Variants in TOX observed in about 807,000 individuals in gnomAD.
The protein encoded by TOX is thymocyte selection associated high mobility group box.
In TOX, 11 loss-of-function variants were observed where a neutral mutation model predicts 53.7. The ratio of observed to expected loss-of-function variants is 0.20; its 90% confidence interval spans 0.13 to 0.34. The LOEUF (loss-of-function observed/expected upper bound fraction) is 0.34. Among genes scored for constraint, TOX ranks in the 10% least tolerant of loss-of-function variants. The pLI is 1.00. For synonymous variants in TOX, 225 were observed against 245.3 expected, an observed-to-expected ratio of 0.92 and a Z score of 0.77; for missense variants, 570 against 664.6, an observed-to-expected ratio of 0.86 and a Z score of 1.56.
intron 1 of TOX, among the ~76,000 whole-genome samples, chr8:59,019,027 T>A (rs1386399698): frequency 1.3e-5 from 2 of 152,186 alleles, no homozygotes; most frequent in African/African-American, 4.8e-5. Flanking sequence ...TATCCCATTT[T>A]AGTTTCTGAG....
intron 1 of TOX, among the ~76,000 whole-genome samples, chr8:59,100,722 C>T (rs905100978): frequency 6.6e-6 from 1 of 152,056 alleles, no homozygotes; most frequent in Non-Finnish European, 1.5e-5. Flanking sequence ...AAAATGAACA[C>T]GGATTATTTG....
At chr8:59,080,660 C>T (rs1804391031) in intron 1 of TOX, among the ~76,000 whole-genome samples, 1 of 152,142 alleles carries the variant, frequency 6.6e-6, no homozygotes, top group Admixed American at 6.5e-5. Flanking sequence ...CAGATTCCCT[C>T]ATGGCTTGGT....
chr8:58,894,927 C>T (rs1005342906), intron 3 of TOX, among the ~76,000 whole-genome samples: 4 of 145,274 alleles, frequency 2.8e-5, no homozygotes, highest in African/African-American at 5.2e-5. Flanking sequence ...CGGTGACTCA[C>T]GCCTGTAATC....
intron 1 of TOX, among the ~76,000 whole-genome samples, chr8:59,075,640 A>C (rs1804279516): frequency 1.3e-5 from 2 of 152,152 alleles, no homozygotes; most frequent in Non-Finnish European, 2.9e-5. Context: ...CAAAATAAAA[A>C]GGTATTTTTC....
At chr8:58,966,873 C>CTTTTTTTTTTT (rs550882424) in intron 1 of TOX, among the ~76,000 whole-genome samples, 1 of 123,712 alleles carries the variant, frequency 8.1e-6, no homozygotes, top group Non-Finnish European at 1.7e-5. Context: ...TCAAGTTATT[C>CTTTTTTTTTTT]TTTTTTTTTT....
intron 1 of TOX, among the ~76,000 whole-genome samples, chr8:59,053,348 G>C (rs2129421423): frequency 6.6e-6 from 1 of 152,126 alleles, no homozygotes; most frequent in East Asian, 1.9e-4. Context: ...AAAAACAACG[G>C]AACACATGGT....
chr8:58,975,081 G>A (rs1813066569), intron 1 of TOX, among the ~76,000 whole-genome samples: 1 of 151,480 alleles, frequency 6.6e-6, no homozygotes, highest in African/African-American at 2.4e-5. Context: ...ATAAATATAT[G>A]TATAAAGTTG....
rs529856216 is a variant in TOX, at chr8:58,826,773, G to T, written c.1005+49C>A. 8 of 1,521,510 alleles carry T rather than the reference G, an allele frequency of 5.3e-6. No homozygotes were observed. In the Admixed American group the frequency reaches 1.4e-4, roughly 27 times the overall value. The allele number at this position is 1,521,510 out of a possible 1,614,324, so 94.3% of individuals were successfully genotyped here. ...TGCCTTTAAGTGACTATCAAAGTCT[G>T]CGCCGAGATGGCCACAATCCTTCAC... On this transcript the variant is annotated intron_variant, in intron 6 of 8. Transcript: ENST00000361421.
intron 3 of TOX, among the ~76,000 whole-genome samples, chr8:58,853,278 G>T (rs1477566324): frequency 4.6e-5 from 7 of 152,108 alleles, no homozygotes; most frequent in Admixed American, 4.6e-4. Flanking sequence ...CCGAATCAAC[G>T]TTTTTTCCAT....
chr8:58,834,110 G>A (rs1810508505), intron 5 of TOX, among the ~76,000 whole-genome samples: 1 of 152,096 alleles, frequency 6.6e-6, no homozygotes, highest in African/African-American at 2.4e-5. Flanking sequence ...GTTCCCTCTG[G>A]CTGTCAAGAA....
chr8:58,997,807 T>G (rs551595896), intron 1 of TOX, among the ~76,000 whole-genome samples: 13 of 152,202 alleles, frequency 8.5e-5, no homozygotes, highest in South Asian at 2.1e-4. Flanking sequence ...GTTTTGTTTT[T>G]TTTGAGACGG....
At chr8:58,852,921 T>TGTTATTGTGAC (rs1810849759) in intron 3 of TOX, among the ~76,000 whole-genome samples, 1 of 152,214 alleles carries the variant, frequency 6.6e-6, no homozygotes, top group South Asian at 2.1e-4. Context: ...TGTCTGCAAA[T>TGTTATTGTGAC]GTTATTGTGA....
At chr8:59,098,985 T>G (rs1238833231) in intron 1 of TOX, among the ~76,000 whole-genome samples, 1 of 152,242 alleles carries the variant, frequency 6.6e-6, no homozygotes, top group Non-Finnish European at 1.5e-5. Context: ...TCATGTTCAA[T>G]GTCTACTCTC....
At chr8:58,853,088 C>A (rs61600352) in intron 3 of TOX, among the ~76,000 whole-genome samples, 13 of 152,224 alleles carry the variant, frequency 8.5e-5, no homozygotes, top group African/African-American at 3.1e-4. Context: ...CCACAGCCCC[C>A]ATGTGTGCCC....
At chr8:59,033,496 C>T (rs1378275417) in intron 1 of TOX, among the ~76,000 whole-genome samples, 1 of 152,136 alleles carries the variant, frequency 6.6e-6, no homozygotes, top group Non-Finnish European at 1.5e-5. Context: ...TGCCACTGCA[C>T]CTGCACACTG....
chr8:58,908,514 C>T (rs912090860), intron 3 of TOX, among the ~76,000 whole-genome samples: 2 of 152,178 alleles, frequency 1.3e-5, no homozygotes, highest in East Asian at 3.8e-4. Flanking sequence ...ATTCTACAAA[C>T]CTCAGATTTG....
At chr8:59,105,381 T>C (rs1804883114) in intron 1 of TOX, among the ~76,000 whole-genome samples, 1 of 152,126 alleles carries the variant, frequency 6.6e-6, no homozygotes, top group Non-Finnish European at 1.5e-5. Flanking sequence ...TGTAAATAGA[T>C]TTTTTCCTTG....
chr8:59,089,385 C>T (rs1804568057), intron 1 of TOX, among the ~76,000 whole-genome samples: 1 of 152,130 alleles, frequency 6.6e-6, no homozygotes, highest in African/African-American at 2.4e-5. Context: ...ATCATAGTGA[C>T]CTCTTTCAGC....
At chr8:58,841,893 A>G (rs937819387) in intron 4 of TOX, among the ~76,000 whole-genome samples, 7 of 152,232 alleles carry the variant, frequency 4.6e-5, no homozygotes, top group African/African-American at 9.6e-5. Context: ...GCTTATTCAT[A>G]TGGAATATTA....
Sources: gnomAD v4.1 joint callset for allele counts (sites outside exome capture counted in the v4.1 genomes callset) on GRCh38, gnomAD v4.1.1 for gene constraint, MANE v1.5 for transcripts, NCBI Gene and HGNC (gene_info 2026-07-23, HGNC 2026-07-21) for gene names.